The following ESPNL variants were observed in gnomAD, a reference collection of about 807,000 sequenced individuals.
ESPNL encodes the protein espin like.
In ESPNL, 49 loss-of-function variants were observed where a neutral mutation model predicts 46.8. The observed-to-expected ratio is 1.05, with a 90% CI of 0.83 to 1.33. The LOEUF (loss-of-function observed/expected upper bound fraction) is 1.33, where lower values mean the gene tolerates loss of function less well. ESPNL is among the 40% of genes most tolerant of loss of function. The pLI is 0.00. For missense variants in ESPNL, 1,540 were observed against 1,436.6 expected (o/e 1.07, Z -1.16); for synonymous variants, 664 against 662.1 (o/e 1.00, Z -0.04).
intron 5 of ESPNL, among the ~76,000 whole-genome samples, chr2:238,120,869 G>T (rs958930764): frequency 6.6e-6 from 1 of 152,238 alleles, no homozygotes; most frequent in Non-Finnish European, 1.5e-5. Context: ...CACACTGGCC[G>T]CCTCCGAGCT....
At chr2:238,101,217 T>C (rs1691467077) in intron 1 of ESPNL, among the ~76,000 whole-genome samples, 1 of 152,142 alleles carries the variant, frequency 6.6e-6, no homozygotes, top group South Asian at 2.1e-4. Context: ...CTTAGAGCTG[T>C]CGCTCAGCCC....
rs768422822 is a variant in ESPNL, at chr2:238,100,641, G to T, written c.222G>T (p.Ala74=). 6.9e-6 allele frequency: 10 copies of T among 1,453,650 alleles called. No individual in the cohort carries two copies. The highest frequency in any genetic ancestry group is 2.7e-5 in the Admixed American group (1 of 36,910). The allele number at this position is 1,453,650 out of a possible 1,614,324, so 90.0% of individuals were successfully genotyped here. ...NQRAHNGATP[A]HDAAATGSLA... The stretch of plus-strand genomic sequence containing the variant: ...GGGCCCACAACGGGGCCACCCCAGC[G>T]CATGACGCCGCTGCCACGGGCAGCC... Residue 74 remains alanine (A), a synonymous_variant, in exon 1 of 9, where the codon GCG becomes GCT. Coordinates refer to ENST00000343063, the MANE Select transcript of ESPNL (RefSeq NM_194312.4).
Position 238,130,745 on chromosome 2 carries a change from G to A in ESPNL, c.2031G>A (p.Gly677=), listed in dbSNP as rs750522133. 31 of 1,564,130 alleles carry A rather than the reference G, an allele frequency of 2.0e-5. No individual in the cohort carries two copies. Among genetic ancestry groups the A allele is most frequent in the Non-Finnish European group, 2.5e-5 (29 of 1,158,570 alleles). ...TCAACCCTGGCCCCTGCGAGCCGGG[G>A]GCCCAGCACAGGCAGTGCCTGAGTG... The part of the protein sequence containing the change: ...CGFNPGPCEP[G]AQHRQCLSGC... The change falls in exon 9 of 9, where the codon GGG becomes GGA. Residue 677 remains glycine (G), a synonymous_variant. Transcript: ENST00000343063.
rs776296208 is a variant in ESPNL, at chr2:238,130,833, G to A, written c.2119G>A (p.Asp707Asn). ...GGCTTCAGGGGAGCCCAGGCCTGGC[G>A]ACACAGAGGAGGCCAGCGACTCTGG... Reference protein sequence around the residue: ...GLASGEPRPGDTEEASDSGIS... With the variant: ...GLASGEPRPGNTEEASDSGIS... Residue 707 changes from aspartate to asparagine, a missense_variant, in exon 9 of 9, where the codon GAC (aspartate) becomes AAC (asparagine). Transcript: ENST00000343063. The A allele has an allele frequency of 1.6e-5, 25 of 1,548,350 alleles. No homozygotes were observed. The highest frequency in any genetic ancestry group is 1.5e-4 in the Admixed American group (8 of 51,912).
intron 5 of ESPNL, among the ~76,000 whole-genome samples, chr2:238,118,773 AGGAGGGGAGATGGAGGAGGGTGG>A (rs1691894539): frequency 2.2e-5 from 1 of 45,374 alleles, no homozygotes; most frequent in African/African-American, 2.0e-4. Context: ...GGGTGGATGG[AGGAGGGGAGATGGAGGAGGGTGG>A]ATGGAGGAGG....
intron 5 of ESPNL, among the ~76,000 whole-genome samples, chr2:238,120,036 A>C (rs1691952299): frequency 6.6e-6 from 1 of 152,184 alleles, no homozygotes; most frequent in Admixed American, 6.5e-5. Flanking sequence ...TCCCTGGTGC[A>C]GCAGTTTCAG....
chr2:238,110,534 C>CCCATTTAGGGTGCCATAT (rs1559260571), intron 4 of ESPNL, among the ~76,000 whole-genome samples: 1 of 6,184 alleles, frequency 1.6e-4, no homozygotes, highest in Non-Finnish European at 3.3e-4. Flanking sequence ...GGGTGCCACA[C>CCCATTTAGGGTGCCATAT]GTTACCGAGT....
At chr2:238,119,999 CG>C (rs1293607191) in intron 5 of ESPNL, among the ~76,000 whole-genome samples, 2 of 152,074 alleles carry the variant, frequency 1.3e-5, no homozygotes, top group Non-Finnish European at 2.9e-5. Context: ...AGGTGGCCTC[CG>C]GGGAGCACGG....
chr2:238,118,296 A>T (rs1574736286), intron 5 of ESPNL, among the ~76,000 whole-genome samples: 1 of 122,800 alleles, frequency 8.1e-6, no homozygotes, highest in Non-Finnish European at 1.7e-5. Context: ...GGAGGAATGG[A>T]TGGAGGAGGG....
rs756925704 is a variant in ESPNL, at chr2:238,100,419, G to T, written c.-1G>T. ...TCGCCACTGAGAGCCCGGGCCAGAG[G>T]ATGGAGAAGCAGCGGGCACTCGTGG... On this transcript the variant is annotated 5_prime_UTR_variant, in exon 1 of 9. Transcript: ENST00000343063. The T allele has an allele frequency of 6.3e-7, 1 of 1,598,700 alleles. No individual in the cohort carries two copies. Among genetic ancestry groups the T allele is most frequent in the Admixed American group, 1.7e-5 (1 of 57,900 alleles).
chr2:238,113,869 G>A (rs952282469), intron 4 of ESPNL, among the ~76,000 whole-genome samples: 5 of 152,248 alleles, frequency 3.3e-5, no homozygotes, highest in East Asian at 1.9e-4. Context: ...CTGTTCTTCC[G>A]TCGTCAGCCC....
intron 4 of ESPNL, among the ~76,000 whole-genome samples, chr2:238,111,691 A>T (rs551749823): frequency 3.3e-5 from 5 of 152,262 alleles, no homozygotes; most frequent in Admixed American, 1.3e-4. Context: ...CTGCTAATGG[A>T]CATTTGGGTT....
At chr2:238,120,701 C>T (rs565712441) in intron 5 of ESPNL, among the ~76,000 whole-genome samples, 1 of 152,368 alleles carries the variant, frequency 6.6e-6, no homozygotes, top group East Asian at 1.9e-4. Context: ...CGTCTTCTCC[C>T]TCTGGGAGGG....
Position 238,127,476 on chromosome 2 carries a change from T to G in ESPNL, c.1103-146T>G, listed in dbSNP as rs926191387. The stretch of plus-strand genomic sequence containing the variant: ...AAGGTCCAGTGGGGCCCCCGAGGTG[T>G]TCTGGGGCAGGGTGGGCTGGGGTCA... On this transcript the variant is annotated intron_variant, in intron 6 of 8. Coordinates refer to ENST00000343063, the MANE Select transcript of ESPNL (RefSeq NM_194312.4). 6.0e-5 allele frequency: 83 copies of G among 1,376,466 alleles called. No homozygotes were observed. The Middle Eastern group carries it at 7.7e-4, about 13-fold the overall frequency. 85.3% of individuals were successfully genotyped at this position (1,376,466 alleles called of 1,614,324 possible).
At chr2:238,117,252 C>T (rs1042458896) in intron 5 of ESPNL, among the ~76,000 whole-genome samples, 6 of 152,192 alleles carry the variant, frequency 3.9e-5, no homozygotes, top group Admixed American at 3.3e-4. Flanking sequence ...GTGACAGGGG[C>T]CAGGACAGGG....
At chr2:238,120,893 G>T (rs1691973133) in intron 5 of ESPNL, among the ~76,000 whole-genome samples, 1 of 152,248 alleles carries the variant, frequency 6.6e-6, no homozygotes, top group African/African-American at 2.4e-5. Context: ...CTCAGAAGAG[G>T]TGGTGAAATC....
intron 6 of ESPNL, 167 bp from the exon 7 acceptor site, chr2:238,127,455 T>G: frequency 8.0e-7 from 1 of 1,250,892 alleles, no homozygotes; most frequent in Non-Finnish European, 1.0e-6. Context: ...CCAGAGAAGG[T>G]CCAGTGGGGC....
chr2:238,131,075 G>A lies in ESPNL; in HGVS notation c.2361G>A (p.Pro787=), dbSNP rs1288790052. 1.2e-5 allele frequency: 18 copies of A among 1,540,382 alleles called. No homozygotes were observed. Among genetic ancestry groups the A allele is most frequent in the South Asian group, 4.8e-5 (4 of 83,862 alleles). ...EAARSPGPPS[P]PSEGPRLGHL... is the part of the protein sequence containing the mutation. ...CCAGGAGCCCTGGGCCACCCTCCCC[G>A]CCCAGCGAGGGCCCCCGGCTGGGCC... The change falls in exon 9 of 9, where the codon CCG becomes CCA. Residue 787 remains proline (P), a synonymous_variant. Transcript: ENST00000343063.
At position 238,114,672 on chromosome 2, in the gene ESPNL, G is replaced by C. The variant is rs1392026293; in HGVS notation, c.856-2231G>C. Among the ~76,000 whole-genome samples, 1 of 152,318 alleles carries C rather than the reference G, an allele frequency of 6.6e-6. No homozygotes were observed. The highest frequency in any genetic ancestry group is 1.9e-4 in the East Asian group (1 of 5,184). On this transcript the variant is annotated intron_variant, in intron 4 of 8. Transcript: ENST00000343063. This position sits in a 1 kb window ranked among gnomAD's most constrained non-coding sequence, Gnocchi z 5.0. Reference sequence around the variant, plus strand: ...GCCTCCCAGCAGCCCCCGGGGAAGGGGTGTGCGCACGCCTGATTTTGTGTG... The same window carrying C: ...GCCTCCCAGCAGCCCCCGGGGAAGGCGTGTGCGCACGCCTGATTTTGTGTG...
Sources: allele counts gnomAD v4.1 joint callset (sites outside exome capture counted in the v4.1 genomes callset), GRCh38; gene constraint gnomAD v4.1.1; non-coding constraint Gnocchi (gnomAD v3.1); transcripts MANE v1.5; gene names NCBI Gene and HGNC (gene_info 2026-07-23, HGNC 2026-07-21).